The following CBX7 variants were observed in gnomAD, a reference collection of about 807,000 sequenced individuals.
The protein encoded by CBX7 is chromobox 7, also known as chromobox protein homolog 7.
Under a neutral mutation model 31.4 loss-of-function variants are expected in CBX7, and 14 were observed. That is an observed-to-expected ratio of 0.45 (90% CI 0.29 to 0.70). The LOEUF is 0.70. Ranked by LOEUF, CBX7 falls within the 30% of genes least tolerant of loss-of-function variation. The probability of loss-of-function intolerance (pLI) is 0.11; values close to 1 mark genes in which losing one functional copy is unlikely to be tolerated. For missense variants in CBX7, 269 were observed against 351.9 expected, an observed-to-expected ratio of 0.76 and a Z score of 1.89; for synonymous variants, 159 against 152.6, an observed-to-expected ratio of 1.04 and a Z score of -0.31.
rs1337280833 is a variant in CBX7 at position 39,134,464 on chromosome 22, C to T, written c.535G>A (p.Ala179Thr). The T allele has an allele frequency of 1.9e-6, 3 of 1,608,320 alleles. No homozygotes were observed. Among genetic ancestry groups the T allele is most frequent in the South Asian group, 1.1e-5 (1 of 91,042 alleles). Residue 179 changes from alanine (A) to threonine (T), a missense_variant, in exon 5 of 6, where the codon GCC becomes ACC. By Grantham distance (58) the Ala-to-Thr change is moderately conservative (BLOSUM62 0). This residue lies in a region of CBX7 where 222 missense variants were observed against 240.4 expected (regional missense o/e 0.92). Transcript: ENST00000216133. ...CCAGCCGCCTGCAGGACGTCTGGGG[C>T]CGGTGGCTCCTGCAGGAAGAGCTCC... ...RRELFLQEPP[A>T]PDVLQAAGEW... is the part of the protein sequence containing the mutation.
chr22:39,137,572 C>A (rs1930297768), intron 4 of CBX7, among the ~76,000 whole-genome samples: 1 of 152,142 alleles, frequency 6.6e-6, no homozygotes, highest in Non-Finnish European at 1.5e-5. Flanking sequence ...TGGTTTTGAA[C>A]TTCTGACCTC....
At chr22:39,150,783 AG>A (rs1930822509) in intron 1 of CBX7, among the ~76,000 whole-genome samples, 1 of 151,678 alleles carries the variant, frequency 6.6e-6, no homozygotes, top group Non-Finnish European at 1.5e-5. Context: ...GAAAAAAAAA[AG>A]TTTACAGTCC....
At chr22:39,141,268 A>G in intron 3 of CBX7, 103 bp downstream of exon 3, 2 of 946,608 alleles carry the variant, frequency 2.1e-6, no homozygotes, top group South Asian at 2.9e-5. Flanking sequence ...CCCATCGGAC[A>G]CCCCTGCCCT....
intron 4 of CBX7, 72 bp from the exon 5 acceptor site, chr22:39,134,824 C>T (rs996757567): frequency 8.6e-6 from 8 of 934,876 alleles, no homozygotes; most frequent in Non-Finnish European, 1.2e-5. Flanking sequence ...TCATGCTGTT[C>T]CTCCCACCCG....
rs369177281 is a variant in CBX7 at position 39,134,897 on chromosome 22, C to T, written c.247-145G>A. ...CTTCCCATGCCACGGCTGGCCATCA[C>T]CCCACCCCACCCCAGCCCAGAGAGT... On this transcript the variant is annotated intron_variant, in intron 4 of 5. Coordinates refer to ENST00000216133, the MANE Select transcript of CBX7 (RefSeq NM_175709.5). 123 of 617,348 alleles carry T rather than the reference C, an allele frequency of 2.0e-4. 1 individual carries two copies. The highest frequency in any genetic ancestry group is 1.9e-3 in the African/African-American group (101 of 53,754). 38.2% of individuals were successfully genotyped at this position (617,348 alleles called of 1,614,324 possible). A position where few individuals can be genotyped will look rare whatever the true frequency, so the allele number is the denominator to read the frequency against.
chr22:39,138,948 T>C (rs1481128025), intron 3 of CBX7, among the ~76,000 whole-genome samples: 2 of 152,214 alleles, frequency 1.3e-5, no homozygotes, highest in East Asian at 1.9e-4. Flanking sequence ...ACTTGCAGCA[T>C]CTCCAAAAAC....
In CBX7 at chr22:39,133,609, A is replaced by C; in HGVS notation, c.*282T>G. ...CCAGCTGCTGCGTCACTAGAGGAGA[A>C]TGATAATGGTGGTGTCCCGGGCAGG... On this transcript the variant is annotated 3_prime_UTR_variant, in exon 6 of 6. Transcript: ENST00000216133. The C allele has an allele frequency of 3.4e-6, 1 of 291,686 alleles. No homozygotes were observed. Among genetic ancestry groups the C allele is most frequent in the Non-Finnish European group, 6.4e-6 (1 of 156,940 alleles). 18.1% of individuals were successfully genotyped at this position (291,686 alleles called of 1,614,324 possible). A position where few individuals can be genotyped will look rare whatever the true frequency, so the allele number is the denominator to read the frequency against.
At chr22:39,138,797 A>G (rs1930346284) in intron 3 of CBX7, 95 bp from the exon 4 acceptor site, 1 of 1,155,444 alleles carries the variant, frequency 8.7e-7, no homozygotes, top group African/African-American at 1.5e-5. Context: ...GCTGTCTGTC[A>G]GGGAGGGGAC....
At chr22:39,140,504 G>C (rs955094737) in intron 3 of CBX7, among the ~76,000 whole-genome samples, 1 of 152,240 alleles carries the variant, frequency 6.6e-6, no homozygotes, top group African/African-American at 2.4e-5. Context: ...GAAGAACCCA[G>C]CAGCGAGGGG....
intron 4 of CBX7, among the ~76,000 whole-genome samples, chr22:39,138,099 T>G (rs1930318278): frequency 6.7e-6 from 1 of 148,386 alleles, no homozygotes; most frequent in Admixed American, 6.9e-5. Flanking sequence ...GAGAATGGCG[T>G]GAACCCGGGA....
intron 2 of CBX7, among the ~76,000 whole-genome samples, chr22:39,143,973 C>G (rs1930550821): frequency 6.6e-6 from 1 of 152,194 alleles, no homozygotes; most frequent in Non-Finnish European, 1.5e-5. Context: ...AAAGCGATGC[C>G]CTATGGTCCT....
intron 1 of CBX7, among the ~76,000 whole-genome samples, chr22:39,151,427 A>G (rs759913502): frequency 3.3e-5 from 5 of 152,068 alleles, no homozygotes; most frequent in Non-Finnish European, 5.9e-5. Flanking sequence ...CTACCTCCCT[A>G]TCTAACTTGC....
In CBX7 at chr22:39,141,375, C is replaced by T. The variant is rs200826914; in HGVS notation, c.175G>A (p.Glu59Lys). ...LDPRLVMAYE[E>K]KEERDRASGY... ...GCGGTGCCGAGGACACCGTACTTCTCCTCGTAGGCCATGACGAGGCGGGGG... is the reference window on the plus strand; with the variant it reads ...GCGGTGCCGAGGACACCGTACTTCTTCTCGTAGGCCATGACGAGGCGGGGG... Residue 59 changes from glutamate to lysine, a missense_variant, in exon 3 of 6, where the codon GAG becomes AAG. This residue lies in a region of CBX7 where 47 missense variants were observed against 111.5 expected (regional missense o/e 0.42). Coordinates refer to ENST00000216133, the MANE Select transcript of CBX7 (RefSeq NM_175709.5). 7 of 1,611,756 alleles carry T rather than the reference C, an allele frequency of 4.3e-6. No homozygotes were observed. The highest frequency in any genetic ancestry group is 5.9e-6 in the Non-Finnish European group (7 of 1,179,330).
Position 39,131,156 on chromosome 22 carries a change from G to A in CBX7, c.*2735C>T, listed in dbSNP as rs1188664096. On this transcript the variant is annotated 3_prime_UTR_variant, in exon 6 of 6. Transcript: ENST00000216133. ...AAGGGGACAGGAGGAGCTTGGCAAC[G>A]AGGTCATCACCCGAACAGCAGTGAC... 1 of 152,570 alleles carries A rather than the reference G, an allele frequency of 6.6e-6. No homozygotes were observed. 9.5% of individuals were successfully genotyped at this position (152,570 alleles called of 1,614,324 possible). A position where few individuals can be genotyped will look rare whatever the true frequency, so the allele number is the denominator to read the frequency against.
chr22:39,140,732 G>C (rs77685566), intron 3 of CBX7, among the ~76,000 whole-genome samples: 6,759 of 96,120 alleles, frequency 0.07, 211 homozygotes, highest in East Asian at 0.19. Flanking sequence ...GCCTGCTGGT[G>C]GGGGGGGCGG....
At chr22:39,151,467 G>A (rs1930849427) in intron 1 of CBX7, among the ~76,000 whole-genome samples, 1 of 152,196 alleles carries the variant, frequency 6.6e-6, no homozygotes, top group African/African-American at 2.4e-5. Context: ...CACTTCCTCT[G>A]CCTGGGCCTC....
intron 2 of CBX7, among the ~76,000 whole-genome samples, chr22:39,145,392 G>A (rs1034698475): frequency 6.6e-6 from 1 of 152,302 alleles, no homozygotes; most frequent in East Asian, 1.9e-4. Flanking sequence ...TGGGCGCCGC[G>A]GATCGAAGGG....
intron 4 of CBX7, 66 bp from the exon 5 acceptor site, chr22:39,134,818 G>T: frequency 1.0e-6 from 1 of 988,724 alleles, no homozygotes; most frequent in Non-Finnish European, 1.4e-6. Flanking sequence ...CTTTGCTCAT[G>T]CTGTTCCTCC....
rs765884458 is a variant in CBX7 at position 39,134,444 on chromosome 22, C to T, written c.555G>A (p.Ala185=). 1.7e-5 allele frequency: 28 copies of T among 1,605,104 alleles called. No individual in the cohort carries two copies. The East Asian group carries it at 4.2e-4, about 24-fold the overall frequency. ...QEPPAPDVLQ[A]AGEWEPAAQP... ...GCGCAGCAGGCTCCCACTCGCCAGC[C>T]GCCTGCAGGACGTCTGGGGCCGGTG... Residue 185 remains alanine, a synonymous_variant, in exon 5 of 6, where the codon GCG becomes GCA. Transcript: ENST00000216133.
Sources: allele counts gnomAD v4.1 joint callset (sites outside exome capture counted in the v4.1 genomes callset), GRCh38; gene constraint gnomAD v4.1.1; regional missense constraint gnomAD v4.1.1; transcripts MANE v1.5; gene names NCBI Gene and HGNC (gene_info 2026-07-23, HGNC 2026-07-21).